Variants in PRKN observed in about 807,000 individuals in gnomAD.
PRKN encodes E3 ubiquitin-protein ligase parkin.
A neutral mutation model predicts 59.5 loss-of-function variants in PRKN; 56 were observed. The observed-to-expected ratio is 0.94, with a 90% CI of 0.76 to 1.18. The LOEUF (loss-of-function observed/expected upper bound fraction) is 1.18. Among genes scored for constraint, PRKN ranks in the 50% most tolerant of loss-of-function variants. PRKN has a pLI of 0.00. For synonymous variants in PRKN, 250 were observed against 222.1 expected (o/e 1.13, Z -1.12); for missense variants, 657 against 596.4 (o/e 1.10, Z -1.06).
chr6:162,068,208 T>A (rs895635627), intron 4 of PRKN, among the ~76,000 whole-genome samples: 1 of 152,214 alleles, frequency 6.6e-6, no homozygotes, highest in African/African-American at 2.4e-5. Flanking sequence ...CTGCTTTTCA[T>A]TTAGTTATTT....
At chr6:162,049,661 C>A (rs1467426122) in intron 5 of PRKN, among the ~76,000 whole-genome samples, 2 of 152,040 alleles carry the variant, frequency 1.3e-5, no homozygotes, top group Non-Finnish European at 2.9e-5. Context: ...TATGTGGTAC[C>A]CTTTCATTGT....
At chr6:162,619,160 T>C (rs1250125893) in intron 1 of PRKN, among the ~76,000 whole-genome samples, 1 of 110,036 alleles carries the variant, frequency 9.1e-6, no homozygotes, top group East Asian at 2.5e-4. Flanking sequence ...TTTTTTTTTT[T>C]TGAGATGGAG....
intron 4 of PRKN, among the ~76,000 whole-genome samples, chr6:162,113,889 G>A (rs571313677): frequency 7.9e-5 from 12 of 152,120 alleles, no homozygotes; most frequent in Non-Finnish European, 2.9e-5. Context: ...ATTGATTTTT[G>A]TATAAGGTGT....
At chr6:162,041,525 A>G (rs1005906476) in intron 5 of PRKN, among the ~76,000 whole-genome samples, 1 of 152,154 alleles carries the variant, frequency 6.6e-6, no homozygotes, top group Non-Finnish European at 1.5e-5. Context: ...CTAAACAGAG[A>G]TTGGTTCTCA....
chr6:161,423,967 C>G lies in PRKN; in HGVS notation c.1084-37090G>C, dbSNP rs1176392199. 6.6e-6 allele frequency among the ~76,000 whole-genome samples: 1 copy of G among 152,112 alleles called. No individual in the cohort carries two copies. Among genetic ancestry groups the G allele is most frequent in the Non-Finnish European group, 1.5e-5 (1 of 68,028 alleles). On this transcript the variant is annotated intron_variant, in intron 9 of 11. Transcript: ENST00000366898. This position sits in a 1 kb window ranked among gnomAD's most constrained non-coding sequence, Gnocchi z 5.9. ...AGCACTGGCCAATGAAGGTCAATGT[C>G]AAAGCACAAGGCTGGTATTGAGACT...
chr6:161,799,252 C>G (rs1299304368), intron 6 of PRKN, among the ~76,000 whole-genome samples: 3 of 152,196 alleles, frequency 2.0e-5, no homozygotes, highest in Non-Finnish European at 4.4e-5. Flanking sequence ...TTCCCAATGC[C>G]TGGCCTGTGG....
intron 5 of PRKN, among the ~76,000 whole-genome samples, chr6:161,983,698 T>C (rs1335336238): frequency 2.6e-5 from 2 of 76,228 alleles, no homozygotes; most frequent in South Asian, 5.7e-4. Flanking sequence ...TAGGTGGGAA[T>C]TGAACAATGA....
At position 161,615,500 on chromosome 6, in the gene PRKN, A is replaced by G. The variant is rs561902257; in HGVS notation, c.872-46084T>C. On this transcript the variant is annotated intron_variant, in intron 7 of 11. Transcript: ENST00000366898. ...GGAAAAAACAGCAGAGTGTCGATGA[A>G]GAGAAGAATGAAATTTCAGGATTCC... is the stretch of plus-strand genomic sequence containing the variant. 1.2e-3 allele frequency among the ~76,000 whole-genome samples: 181 copies of G among 152,360 alleles called. 1 individual carries two copies. Among genetic ancestry groups the G allele is most frequent in the African/African-American group, 4.1e-3 (170 of 41,586 alleles).
At chr6:161,701,096 T>C (rs771892573) in intron 7 of PRKN, among the ~76,000 whole-genome samples, 5 of 152,196 alleles carry the variant, frequency 3.3e-5, no homozygotes, top group Non-Finnish European at 7.3e-5. Flanking sequence ...CGTTGATCAC[T>C]AAATGGTAAG....
At chr6:162,564,774 G>A (rs767138503) in intron 1 of PRKN, among the ~76,000 whole-genome samples, 1 of 151,144 alleles carries the variant, frequency 6.6e-6, no homozygotes, top group South Asian at 2.1e-4. Context: ...TAAACATGAA[G>A]GAGAAATAAA....
chr6:162,313,802 T>C (rs1782634100), intron 2 of PRKN, among the ~76,000 whole-genome samples: 1 of 152,134 alleles, frequency 6.6e-6, no homozygotes, highest in African/African-American at 2.4e-5. Context: ...ATCAGATTTT[T>C]GTTTATCCAT....
chr6:162,294,923 C>T (rs756575977), intron 2 of PRKN, among the ~76,000 whole-genome samples: 13 of 152,130 alleles, frequency 8.5e-5, no homozygotes, highest in Non-Finnish European at 1.6e-4. Flanking sequence ...AAGATCTGAA[C>T]GAGACCTGGA....
intron 2 of PRKN, among the ~76,000 whole-genome samples, chr6:162,282,399 G>A (rs769320543): frequency 2.6e-5 from 4 of 151,572 alleles, no homozygotes; most frequent in Non-Finnish European, 5.9e-5. Context: ...AATCACATCT[G>A]CTAAAATCCA....
At chr6:162,352,378 G>T (rs557665347) in intron 2 of PRKN, among the ~76,000 whole-genome samples, 1 of 152,166 alleles carries the variant, frequency 6.6e-6, no homozygotes, top group African/African-American at 2.4e-5. Context: ...AACAGAAAAG[G>T]CTGTGTGTCA....
At chr6:162,500,531 C>T (rs9347656) in intron 1 of PRKN, among the ~76,000 whole-genome samples, 74,487 of 151,978 alleles carry the variant, frequency 0.49, 18,332 homozygotes, top group Middle Eastern at 0.55. Flanking sequence ...CTCAGGAAGA[C>T]GGACGGAATG....
At chr6:161,464,768 G>C (rs1279691971) in intron 9 of PRKN, among the ~76,000 whole-genome samples, 1 of 152,162 alleles carries the variant, frequency 6.6e-6, no homozygotes. Flanking sequence ...CTCAAATTCT[G>C]ACATACAGGC....
chr6:162,076,729 A>G (rs965016964), intron 4 of PRKN, among the ~76,000 whole-genome samples: 3 of 152,138 alleles, frequency 2.0e-5, no homozygotes, highest in African/African-American at 7.2e-5. Flanking sequence ...TTATTTTATC[A>G]TTTATCCTCC....
chr6:161,978,362 T>G (rs1583433177), intron 5 of PRKN, among the ~76,000 whole-genome samples: 1 of 152,324 alleles, frequency 6.6e-6, no homozygotes, highest in African/African-American at 2.4e-5. Flanking sequence ...TCTGGTCATT[T>G]CTGCTCCTGT....
At chr6:162,270,958 C>T (rs1269377138) in intron 2 of PRKN, among the ~76,000 whole-genome samples, 1 of 151,448 alleles carries the variant, frequency 6.6e-6, no homozygotes, top group East Asian at 1.9e-4. Context: ...CCTCTTATGG[C>T]AGCCTCCTGA....
Sources: gnomAD v4.1 joint callset for allele counts (sites outside exome capture counted in the v4.1 genomes callset) on GRCh38, gnomAD v4.1.1 for gene constraint, Gnocchi (gnomAD v3.1) non-coding constraint, MANE v1.5 for transcripts, NCBI Gene and HGNC (gene_info 2026-07-23, HGNC 2026-07-21) for gene names.